TDRD1: variants seen among roughly 807,000 people sequenced by gnomAD.
TDRD1 encodes tudor domain containing 1.
In TDRD1, 37 loss-of-function variants were observed where a neutral mutation model predicts 140.6. The ratio of observed to expected loss-of-function variants is 0.26; its 90% CI spans 0.20 to 0.35. The LOEUF (loss-of-function observed/expected upper bound fraction) is 0.35, where lower values mean the gene tolerates loss of function less well. Among genes scored for constraint, TDRD1 ranks in the 10% least tolerant of loss-of-function variants. The pLI, the probability that TDRD1 is intolerant of heterozygous loss-of-function variation, is 1.00. For missense variants in TDRD1, 1,243 were observed against 1,393.0 expected (o/e 0.89, Z 1.71); for synonymous variants, 506 against 475.7 (o/e 1.06, Z -0.83).
At chr10:114,185,742 C>T (rs2033466125) in intron 1 of TDRD1, among the ~76,000 whole-genome samples, 1 of 151,718 alleles carries the variant, frequency 6.6e-6, no homozygotes, top group African/African-American at 2.4e-5. Flanking sequence ...CGTACACCAC[C>T]ACGCCTGGCT....
intron 21 of TDRD1, among the ~76,000 whole-genome samples, chr10:114,223,999 A>G (rs1286796678): frequency 6.6e-6 from 1 of 151,934 alleles, no homozygotes; most frequent in Non-Finnish European, 1.5e-5. Context: ...TGCCCCCCAC[A>G]CTGTGTTAGC....
Position 114,204,811 on chromosome 10 carries a change from G to A in TDRD1, c.1215G>A (p.Glu405=), listed in dbSNP as rs147517719. The A allele has an allele frequency of 7.0e-5, 113 of 1,607,186 alleles. No individual in the cohort carries two copies. The African/African-American group carries it at 1.4e-3, about 20-fold the overall frequency. ...AAGCTACTAAACCACTGTTAATGGA[G>A]CAGTACTGCTCCATAAAGATTGTCG... Residue 405 remains glutamate, a synonymous_variant, in exon 10 of 26, where the codon GAG becomes GAA. Coordinates refer to ENST00000251864, the Ensembl canonical transcript of TDRD1.
In TDRD1 at chr10:114,206,705, C is replaced by T. The variant is rs942569176; in HGVS notation, c.1384+375C>T. Reference sequence around the variant, plus strand: ...CTCGGCTCCCTGTAACCTCTGCCTCCCTGGTTCAAGTGATTCTCCTACCTC... The same window carrying T: ...CTCGGCTCCCTGTAACCTCTGCCTCTCTGGTTCAAGTGATTCTCCTACCTC... On this transcript the variant is annotated intron_variant, in intron 11 of 25. Coordinates refer to ENST00000251864, the Ensembl canonical transcript of TDRD1. Among the ~76,000 whole-genome samples the T allele has an allele frequency of 9.2e-5, 14 of 151,598 alleles. No individual in the cohort carries two copies. The East Asian group carries it at 2.7e-3, about 29-fold the overall frequency.
rs562745393 is a variant in TDRD1 at position 114,220,549 on chromosome 10, T to A, written c.2495-19T>A. 12 of 1,596,000 alleles carry A rather than the reference T, an allele frequency of 7.5e-6. No individual in the cohort carries two copies. In the East Asian group the frequency reaches 2.5e-4, roughly 33 times the overall value. ...AACTTGTTCATAGGATTCTTTTTAC[T>A]GCTGTCCTTATTTTCTAGATATACA... On this transcript the variant is annotated intron_variant, in intron 18 of 25. Coordinates refer to ENST00000251864, the Ensembl canonical transcript of TDRD1.
At chr10:114,221,507 G>A (rs1350579765) in intron 20 of TDRD1, 31 bp downstream of exon 20, 3 of 1,601,836 alleles carry the variant, frequency 1.9e-6, no homozygotes, top group Non-Finnish European at 2.6e-6. Context: ...ACATATTTAT[G>A]CTCATCTTTT....
At position 114,201,476 on chromosome 10, in the gene TDRD1, G is replaced by A; in HGVS notation, c.596G>A (p.Trp199Ter). Residue 199 changes from tryptophan (W) to a stop codon, truncating the protein, a stop_gained, in exon 5 of 26, where the codon TGG becomes TAG. Transcript: ENST00000251864. LOFTEE classifies it high-confidence loss of function. ...TCCACAGCATGTCAAAGAAGAGACT[G>A]GTCTGCACACAGCATCGTGTGCAGG... is the stretch of plus-strand genomic sequence containing the variant. The A allele has an allele frequency of 6.2e-7, 1 of 1,613,922 alleles. No homozygotes were observed. The highest frequency in any genetic ancestry group is 8.5e-7 in the Non-Finnish European group (1 of 1,179,964).
exon 15 of TDRD1, chr10:114,213,393 A>G (rs766131776): frequency 6.2e-6 from 10 of 1,613,070 alleles, no homozygotes; most frequent in South Asian, 4.4e-5. Flanking sequence ...TATTTGTCTC[A>G]TGAAAAAACT....
At position 114,227,702 on chromosome 10, in the gene TDRD1, C is replaced by T. The variant is rs1033035442; in HGVS notation, c.3404-208C>T. 8.5e-5 allele frequency among the ~76,000 whole-genome samples: 13 copies of T among 152,198 alleles called. 1 individual carries two copies. The highest frequency in any genetic ancestry group is 8.3e-4 in the South Asian group (4 of 4,828). On this transcript the variant is annotated intron_variant, in intron 23 of 25. Coordinates refer to ENST00000251864, the Ensembl canonical transcript of TDRD1. ...CTCAATCAAAAAGAGAGATGATTGA[C>T]AACCAAAACCTTGGAGACATGGGTT...
chr10:114,220,703 C>G (rs750269228), exon 19 of TDRD1: 11 of 1,608,670 alleles, frequency 6.8e-6, no homozygotes, highest in African/African-American at 1.4e-5. Flanking sequence ...ACCGATCTCT[C>G]CACTTGTTAT....
At chr10:114,217,216 G>C (rs1249473031) in intron 16 of TDRD1, among the ~76,000 whole-genome samples, 1 of 152,126 alleles carries the variant, frequency 6.6e-6, no homozygotes, top group East Asian at 1.9e-4. Context: ...TCACTTTCAG[G>C]ACAGCTTTTA....
At chr10:114,175,465 C>T (rs1040318643), upstream of TDRD1, among the ~76,000 whole-genome samples, 4 of 152,040 alleles carry the variant, frequency 2.6e-5, no homozygotes, top group Non-Finnish European at 5.9e-5. Context: ...AGAATTAACT[C>T]ATGGTACATT....
chr10:114,178,567 G>T (rs1416551476), upstream of TDRD1, among the ~76,000 whole-genome samples: 1 of 152,160 alleles, frequency 6.6e-6, no homozygotes, highest in East Asian at 1.9e-4. Flanking sequence ...AGTTCTCTCC[G>T]CAGTCTTCAA....
chr10:114,190,819 T>G, intron 2 of TDRD1, 142 bp from the exon 3 acceptor site: 1 of 743,780 alleles, frequency 1.3e-6, no homozygotes, highest in East Asian at 2.8e-5. Flanking sequence ...AAAAGTAGGA[T>G]GTTGCTTATG....
intron 7 of TDRD1, 93 bp downstream of exon 7, chr10:114,203,269 A>C: frequency 6.7e-7 from 1 of 1,482,336 alleles, no homozygotes. Flanking sequence ...TAGCTACAAA[A>C]CATAAACATT....
chr10:114,194,679 C>A (rs995639083), intron 3 of TDRD1, among the ~76,000 whole-genome samples: 5 of 148,408 alleles, frequency 3.4e-5, no homozygotes, highest in African/African-American at 1.2e-4. Flanking sequence ...TCTTTATTAT[C>A]TCTTCTGCTG....
exon 26 of TDRD1, chr10:114,232,100 TTC>T (rs1375377387): frequency 6.6e-6 from 1 of 152,212 alleles, no homozygotes; most frequent in Non-Finnish European, 1.5e-5. Flanking sequence ...GGTCATCAAT[TTC>T]TTTCTCTCCG....
At chr10:114,225,192 A>T (rs1288518588) in intron 21 of TDRD1, among the ~76,000 whole-genome samples, 2 of 152,236 alleles carry the variant, frequency 1.3e-5, no homozygotes. Context: ...CTCAAGTAGC[A>T]GCATTATTAA....
chr10:114,201,292 C>T, intron 4 of TDRD1, 118 bp from the exon 5 acceptor site: 1 of 762,196 alleles, frequency 1.3e-6, no homozygotes, highest in South Asian at 1.7e-5. Flanking sequence ...AATCTGAACA[C>T]CTGATCCTAA....
intron 21 of TDRD1, among the ~76,000 whole-genome samples, chr10:114,225,003 CT>C (rs1406954786): frequency 1.3e-5 from 2 of 152,226 alleles, no homozygotes; most frequent in Admixed American, 6.5e-5. Flanking sequence ...TGCCATCTCA[CT>C]GCAGACTCCC....
Sources: allele counts gnomAD v4.1 joint callset (sites outside exome capture counted in the v4.1 genomes callset), GRCh38; gene constraint gnomAD v4.1.1; transcripts MANE v1.5; gene names NCBI Gene and HGNC (gene_info 2026-07-23, HGNC 2026-07-21).